Variants in LIN28A observed in about 807,000 individuals in gnomAD.
The protein encoded by LIN28A is lin-28 RNA binding posttranscriptional regulator A.
Under a neutral mutation model 21.1 loss-of-function variants are expected in LIN28A, and 11 were observed. The observed-to-expected ratio is 0.52, with a 90% confidence interval of 0.33 to 0.86. LIN28A has a LOEUF of 0.86. Ranked by LOEUF, LIN28A falls within the 40% of genes least tolerant of loss-of-function variation. LIN28A has a pLI of 0.03. For missense variants in LIN28A, 219 were observed against 279.8 expected, an observed-to-expected ratio of 0.78 and a Z score of 1.55; for synonymous variants, 111 against 108.7, an observed-to-expected ratio of 1.02 and a Z score of -0.13.
chr1:26,417,180 G>T (rs1016445587), intron 2 of LIN28A, among the ~76,000 whole-genome samples: 16 of 152,182 alleles, frequency 1.1e-4, no homozygotes, highest in African/African-American at 3.4e-4. Flanking sequence ...GCGCCCTCGG[G>T]CTTACCTTTG....
rs550382193 is a variant in LIN28A at position 26,410,829 on chromosome 1, G to T, written c.-63G>T. 1.0e-4 allele frequency: 158 copies of T among 1,580,778 alleles called. No homozygotes were observed. The highest frequency in any genetic ancestry group is 8.6e-4 in the Middle Eastern group (5 of 5,794). The stretch of plus-strand genomic sequence containing the variant: ...TCTCCGAACCAACCCTTTGCCTTCG[G>T]ACTTCTCCGGGGCCAGCAGCCGCCC... On this transcript the variant is annotated 5_prime_UTR_variant, in exon 1 of 4. Transcript: ENST00000326279.
rs138964629 is a variant in LIN28A at position 26,425,455 on chromosome 1, G to A, written c.381G>A (p.Lys127=). 1,185 of 1,614,144 alleles carry A rather than the reference G, an allele frequency of 7.3e-4. 2 individuals are homozygous for A. Among genetic ancestry groups the A allele is most frequent in the Middle Eastern group, 4.5e-3 (27 of 6,062 alleles). Residue 127 remains lysine (K), a synonymous_variant, in exon 3 of 4, where the codon AAG becomes AAA. Coordinates refer to ENST00000326279, the MANE Select transcript of LIN28A (RefSeq NM_024674.6). ...GGAGTGAGAGGCGGCCAAAAGGAAA[G>A]AGCATGCAGAAGCGCAGATCAAAAG... The part of the protein sequence containing the change: ...CIGSERRPKG[K]SMQKRRSKGD...
chr1:26,421,527 C>A (rs2075028654), intron 2 of LIN28A, among the ~76,000 whole-genome samples: 1 of 152,062 alleles, frequency 6.6e-6, no homozygotes, highest in Admixed American at 6.6e-5. Flanking sequence ...TTTTACCAGT[C>A]TGATTATCTG....
In LIN28A at chr1:26,411,683, C is replaced by T. The variant is rs1434279526; in HGVS notation, c.228+101C>T. 5 of 1,187,624 alleles carry T rather than the reference C, an allele frequency of 4.2e-6. No individual in the cohort carries two copies. Among genetic ancestry groups the T allele is most frequent in the Non-Finnish European group, 2.4e-6 (2 of 822,246 alleles). The allele number at this position is 1,187,624 out of a possible 1,614,324, so 73.6% of individuals were successfully genotyped here. A position where few individuals can be genotyped will look rare whatever the true frequency, so the allele number is the denominator to read the frequency against. The stretch of plus-strand genomic sequence containing the variant: ...CAGTTGAATTGAGGGCCATCGGGAG[C>T]CCTCATTATGCATCCCTGTCTTTGC... On this transcript the variant is annotated intron_variant, in intron 2 of 3. Transcript: ENST00000326279. This position sits in a 1 kb window ranked among gnomAD's most constrained non-coding sequence, Gnocchi z 5.4.
chr1:26,413,801 G>T (rs985628367), intron 2 of LIN28A, among the ~76,000 whole-genome samples: 1 of 92,294 alleles, frequency 1.1e-5, no homozygotes, highest in Admixed American at 9.9e-5. Context: ...TTGTTTTTTT[G>T]TTTGTTTGTT....
In LIN28A at chr1:26,411,403, G is replaced by C; in HGVS notation, c.49G>C (p.Ala17Pro). ...QQFAGGCAKAAEEAPEEAPED... is the reference protein window; with the variant it reads ...QQFAGGCAKAPEEAPEEAPED... ...CTCTCCAGGTGGCTGCGCCAAGGCG[G>C]CAGAAGAGGCGCCCGAGGAGGCGCC... The change falls in exon 2 of 4, where the codon GCA becomes CCA. Residue 17 changes from alanine to proline, a missense_variant. Physicochemically the swap from Ala to Pro is conservative, Grantham distance 27. Around this residue, in one of 3 missense-constraint regions of LIN28A, gnomAD observed 50 missense variants for 49.0 expected, o/e 1.02. Coordinates refer to ENST00000326279, the MANE Select transcript of LIN28A (RefSeq NM_024674.6). The surrounding 1 kb of genome is among the most constrained non-coding windows in gnomAD (Gnocchi z 5.4). The C allele has an allele frequency of 6.3e-7, 1 of 1,598,584 alleles. No individual in the cohort carries two copies. The highest frequency in any genetic ancestry group is 8.5e-7 in the Non-Finnish European group (1 of 1,173,630).
chr1:26,425,922 A>T (rs966151386), intron 3 of LIN28A, among the ~76,000 whole-genome samples: 5 of 152,118 alleles, frequency 3.3e-5, no homozygotes, highest in Non-Finnish European at 7.4e-5. Context: ...GGCTTCTTTA[A>T]TTTCTCCTAT....
At chr1:26,423,734 A>G (rs1379100407) in intron 2 of LIN28A, among the ~76,000 whole-genome samples, 1 of 149,762 alleles carries the variant, frequency 6.7e-6, no homozygotes, top group East Asian at 2.0e-4. Flanking sequence ...TTCTTAAATC[A>G]TTGAGCATCT....
Sources: gnomAD v4.1 joint callset for allele counts (sites outside exome capture counted in the v4.1 genomes callset) on GRCh38, gnomAD v4.1.1 for gene constraint, gnomAD v4.1.1 regional missense constraint, Gnocchi (gnomAD v3.1) non-coding constraint, MANE v1.5 for transcripts, NCBI Gene and HGNC (gene_info 2026-07-23, HGNC 2026-07-21) for gene names.